THOC2: variants seen among roughly 807,000 people sequenced by gnomAD.
The protein encoded by THOC2 is THO complex subunit 2, also known as THO complex 2.
THOC2 carries 10 observed loss-of-function variants against 128.4 expected under a neutral mutation model. The ratio of observed to expected loss-of-function variants is 0.08; its 90% CI spans 0.05 to 0.13. The LOEUF (loss-of-function observed/expected upper bound fraction) is 0.13, where lower values mean the gene tolerates loss of function less well. THOC2 is among the 10% of genes least tolerant of loss of function. The pLI, the probability that THOC2 is intolerant of heterozygous loss-of-function variation, is 1.00. For missense variants in THOC2, 535 were observed against 1,155.7 expected (o/e 0.46, Z 7.79); for synonymous variants, 393 against 396.9 (o/e 0.99, Z 0.12).
At position 123,732,939 on chromosome X, in the gene THOC2, C is replaced by T. The variant is rs373087803; in HGVS notation, c.71+13G>A. 5.0e-6 allele frequency: 6 copies of T among 1,207,818 alleles called. No individual in the cohort carries two copies. The highest frequency in any genetic ancestry group is 4.5e-6 in the Non-Finnish European group (4 of 893,134). ...GGCCCGGCAGTGCGCCTGCCTCCGG[C>T]CCGAACACTCACAATTCGCCTCTCC... On this transcript the variant is annotated intron_variant, in intron 1 of 38. Transcript: ENST00000245838.
At chrX:123,621,093 G>T (rs2047066507) in intron 31 of THOC2, 64 bp downstream of exon 31, 21 of 1,175,058 alleles carry the variant, frequency 1.8e-5, no homozygotes, top group Non-Finnish European at 2.4e-5. Context: ...AAAACAAGGA[G>T]ACAATAACCA....
At position 123,715,019 on chromosome X, in the gene THOC2, C is replaced by CTTT. The variant is rs368332983; in HGVS notation, c.72-2114_72-2112dup. Among the ~76,000 whole-genome samples, 437 of 83,497 alleles carry CTTT rather than the reference C, an allele frequency of 5.2e-3. 9 individuals are homozygous for CTTT. The highest frequency in any genetic ancestry group is 0.013 in the Middle Eastern group (2 of 150). The allele number at this position is 83,497 out of a possible 115,157, so 72.5% of individuals were successfully genotyped here. ...AAGAGGAAATTTGTAGCAATAAAGG[C>CTTT]TTTTTTTTTTTTTTTTTTGACACAG... On this transcript the variant is annotated intron_variant, in intron 1 of 38. Coordinates refer to ENST00000245838, the MANE Select transcript of THOC2 (RefSeq NM_001081550.2).
chrX:123,650,235 T>C (rs1409491582), intron 12 of THOC2, among the ~76,000 whole-genome samples: 4 of 111,538 alleles, frequency 3.6e-5, no homozygotes, highest in Non-Finnish European at 7.5e-5. Flanking sequence ...AGAAATAAAA[T>C]CCTTTACAGT....
intron 7 of THOC2, among the ~76,000 whole-genome samples, chrX:123,691,799 C>T (rs2050230641): frequency 1.8e-5 from 2 of 112,356 alleles, no homozygotes; most frequent in South Asian, 3.7e-4. Context: ...AAGCTAGCTC[C>T]GTGATTAGTT....
intron 38 of THOC2, among the ~76,000 whole-genome samples, chrX:123,607,586 G>A (rs1182542045): frequency 9.1e-6 from 1 of 109,632 alleles, no homozygotes; most frequent in Non-Finnish European, 1.9e-5. Flanking sequence ...TTACAGGCAT[G>A]AGCCACCATG....
chrX:123,627,275 T>G (rs2047303971), intron 23 of THOC2, among the ~76,000 whole-genome samples: 2 of 111,511 alleles, frequency 1.8e-5, no homozygotes, highest in African/African-American at 6.5e-5. Context: ...CTCAATCTAC[T>G]TCCTGTCTTT....
At chrX:123,693,181 G>A (rs1329767786) in intron 7 of THOC2, among the ~76,000 whole-genome samples, 6 of 112,445 alleles carry the variant, frequency 5.3e-5, no homozygotes, top group Non-Finnish European at 9.4e-5. Flanking sequence ...CATTCAGGCC[G>A]TGTCCGGGGG....
chrX:123,633,202 A>T (rs780979907), intron 20 of THOC2, among the ~76,000 whole-genome samples, 162 bp from the exon 21 acceptor site: 1 of 111,893 alleles, frequency 8.9e-6, no homozygotes, highest in East Asian at 2.8e-4. Flanking sequence ...ATTACTGACT[A>T]CAGTCACTGG....
intron 22 of THOC2, among the ~76,000 whole-genome samples, chrX:123,631,301 G>A (rs761988196): frequency 8.9e-6 from 1 of 112,222 alleles, no homozygotes; most frequent in East Asian, 2.8e-4. Context: ...AGGATCTAAA[G>A]GGGAAGAAGC....
intron 7 of THOC2, among the ~76,000 whole-genome samples, chrX:123,689,997 CAT>C (rs951845013): frequency 3.6e-5 from 4 of 110,814 alleles, no homozygotes; most frequent in African/African-American, 1.3e-4. Context: ...TATATACACA[CAT>C]ATATATTTTT....
chrX:123,618,485 T>C (rs943627262), intron 33 of THOC2, among the ~76,000 whole-genome samples: 5 of 111,815 alleles, frequency 4.5e-5, no homozygotes, highest in African/African-American at 1.6e-4. Context: ...CAGTTAGTAA[T>C]GTCAACTGGC....
At chrX:123,621,706 G>T (rs1430656065) in intron 30 of THOC2, 119 bp from the exon 31 acceptor site, 1 of 569,082 alleles carries the variant, frequency 1.8e-6, no homozygotes, top group African/African-American at 2.3e-5. Context: ...AACTAAGGGG[G>T]AGTCCTTTGA....
At chrX:123,720,935 A>G (rs1000049051) in intron 1 of THOC2, among the ~76,000 whole-genome samples, 1 of 111,248 alleles carries the variant, frequency 9.0e-6, no homozygotes, top group Non-Finnish European at 1.9e-5. Context: ...GTTGGTGTAT[A>G]ATGGATATAA....
At chrX:123,633,129 G>A (rs2047548255) in intron 20 of THOC2, 89 bp from the exon 21 acceptor site, 8 of 641,490 alleles carry the variant, frequency 1.2e-5, no homozygotes, top group Non-Finnish European at 1.5e-5. Context: ...GAGTTAAAAT[G>A]CTTAATATAA....
intron 38 of THOC2, among the ~76,000 whole-genome samples, chrX:123,606,286 AAAAG>A (rs1204784684): frequency 1.8e-4 from 20 of 108,277 alleles, no homozygotes; most frequent in East Asian, 5.7e-4. Context: ...AAAAAAAAAA[AAAAG>A]AAAGAAAGAA....
At chrX:123,724,350 C>T (rs2147991512) in intron 1 of THOC2, among the ~76,000 whole-genome samples, 1 of 111,706 alleles carries the variant, frequency 9.0e-6, no homozygotes, top group Non-Finnish European at 1.9e-5. Flanking sequence ...GTCAACAATT[C>T]ACTTCTAGGT....
At chrX:123,681,294 T>C (rs1245805945) in intron 8 of THOC2, among the ~76,000 whole-genome samples, 1 of 106,726 alleles carries the variant, frequency 9.4e-6, no homozygotes, top group African/African-American at 3.4e-5. Flanking sequence ...CCATTTAATG[T>C]AAAGTTGATG....
Position 123,607,419 on chromosome X carries a change from G to T in THOC2, c.*18+3499C>A, listed in dbSNP as rs138932372. Among the ~76,000 whole-genome samples, 754 of 108,675 alleles carry T rather than the reference G, an allele frequency of 6.9e-3. 6 individuals are homozygous for T. Among genetic ancestry groups the T allele is most frequent in the African/African-American group, 0.024 (699 of 29,728 alleles). The allele number at this position is 108,675 out of a possible 115,157, so 94.4% of individuals were successfully genotyped here. A position where few individuals can be genotyped will look rare whatever the true frequency, so the allele number is the denominator to read the frequency against. On this transcript the variant is annotated intron_variant, in intron 38 of 38. Coordinates refer to ENST00000245838, the MANE Select transcript of THOC2 (RefSeq NM_001081550.2). ...GACTCTCAAGGAGCTGGTACTACAG[G>T]TGCATACTACCATGCCTAGCTAAGT...
rs1313791865 is a variant in THOC2 at position 123,659,434 on chromosome X, G to A, written c.1386+6208C>T. ...AAAAGTACAAAAAGTAGCTGGGCAC[G>A]GTGGCGCGTGCCTGTAGTCCCAGCT... On this transcript the variant is annotated intron_variant, in intron 12 of 38. Transcript: ENST00000245838. Among the ~76,000 whole-genome samples the A allele has an allele frequency of 4.4e-5, 5 of 112,452 alleles. No homozygotes were observed. In the South Asian group the frequency reaches 1.1e-3, roughly 25 times the overall value.
Sources: allele counts gnomAD v4.1 joint callset (sites outside exome capture counted in the v4.1 genomes callset), GRCh38; gene constraint gnomAD v4.1.1; transcripts MANE v1.5; gene names NCBI Gene and HGNC (gene_info 2026-07-23, HGNC 2026-07-21).